The following CSTPP1 variants were observed in gnomAD, a reference collection of about 807,000 sequenced individuals.
The protein encoded by CSTPP1 is UPF0705 protein C11orf49.
At chr11:47,065,221 G>A in the CSTPP1 span, among the ~76,000 whole-genome samples, 10 of 152,032 alleles carry the variant, frequency 6.6e-5, no homozygotes, top group South Asian at 2.1e-4. Flanking sequence ...GATCACTTTC[G>A]GTGGTAGTAT....
the CSTPP1 span, among the ~76,000 whole-genome samples, chr11:47,091,345 G>C: frequency 6.6e-6 from 1 of 151,346 alleles, no homozygotes; most frequent in Non-Finnish European, 1.5e-5. Flanking sequence ...CTGCACTCCA[G>C]CCTGGGTGAC....
At chr11:47,113,796 T>G in the CSTPP1 span, among the ~76,000 whole-genome samples, 1 of 152,230 alleles carries the variant, frequency 6.6e-6, no homozygotes, top group African/African-American at 2.4e-5. Flanking sequence ...ATTCTTTAGG[T>G]TGCCTGTTCA....
chr11:47,134,898 G>T, the CSTPP1 span, among the ~76,000 whole-genome samples: 1 of 152,100 alleles, frequency 6.6e-6, no homozygotes, highest in Non-Finnish European at 1.5e-5. Flanking sequence ...AAGCTGAGGC[G>T]GGAAGTTCAA....
At chr11:47,105,467 C>T in the CSTPP1 span, among the ~76,000 whole-genome samples, 2 of 152,102 alleles carry the variant, frequency 1.3e-5, no homozygotes, top group East Asian at 1.9e-4. Context: ...TACAACTGTA[C>T]TCCAGCATGG....
the CSTPP1 span, among the ~76,000 whole-genome samples, chr11:47,083,010 A>G: frequency 2.0e-5 from 3 of 151,770 alleles, no homozygotes; most frequent in Non-Finnish European, 4.4e-5. Flanking sequence ...TGCATTAGCT[A>G]TTTTTTCTAA....
At chr11:47,078,550 G>A in the CSTPP1 span, among the ~76,000 whole-genome samples, 1 of 152,196 alleles carries the variant, frequency 6.6e-6, no homozygotes, top group African/African-American at 2.4e-5. Flanking sequence ...GGGATAGTTG[G>A]TGGAGCAAGG....
At chr11:47,091,046 CAAAAAAA>C in the CSTPP1 span, among the ~76,000 whole-genome samples, 1 of 83,688 alleles carries the variant, frequency 1.2e-5, no homozygotes. Context: ...GACTCCATCT[CAAAAAAA>C]AAAAAAAAAA....
At chr11:47,122,970 A>T in the CSTPP1 span, 4 of 152,168 alleles carry the variant, frequency 2.6e-5, no homozygotes, top group African/African-American at 9.7e-5. Context: ...AACTCTGTTG[A>T]TGTATCCCAT....
At chr11:47,153,988 G>A in the CSTPP1 span, among the ~76,000 whole-genome samples, 5 of 151,724 alleles carry the variant, frequency 3.3e-5, no homozygotes, top group Non-Finnish European at 7.4e-5. Flanking sequence ...CTCACGGGCT[G>A]GAGTGCAGTG....
chr11:47,005,031 A>C, the CSTPP1 span, among the ~76,000 whole-genome samples: 1 of 152,058 alleles, frequency 6.6e-6, no homozygotes, highest in Non-Finnish European at 1.5e-5. Context: ...TCATCTGCAC[A>C]CTCTCATACT....
chr11:47,071,940 A>AGTTGCAT, the CSTPP1 span, among the ~76,000 whole-genome samples: 1 of 152,204 alleles, frequency 6.6e-6, no homozygotes, highest in African/African-American at 2.4e-5. Context: ...GGGTTTGGGA[A>AGTTGCAT]GTTGCATGTA....
the CSTPP1 span, among the ~76,000 whole-genome samples, chr11:47,046,406 T>G: frequency 1.4e-4 from 21 of 151,512 alleles, no homozygotes; most frequent in African/African-American, 5.1e-4. Context: ...AAAAGGAAAT[T>G]AAGAAAAGCA....
chr11:47,007,367 T>C, the CSTPP1 span, among the ~76,000 whole-genome samples: 4 of 152,168 alleles, frequency 2.6e-5, no homozygotes. Flanking sequence ...CTGGATATTT[T>C]CTTCTGATCT....
At chr11:46,954,273 A>C in the CSTPP1 span, among the ~76,000 whole-genome samples, 3 of 152,164 alleles carry the variant, frequency 2.0e-5, no homozygotes, top group African/African-American at 7.2e-5. Flanking sequence ...ATTCGGCTGG[A>C]TGCAGTAGCT....
the CSTPP1 span, among the ~76,000 whole-genome samples, chr11:47,076,672 C>A: frequency 6.6e-6 from 1 of 151,978 alleles, no homozygotes; most frequent in Non-Finnish European, 1.5e-5. Context: ...AAAACCCCGT[C>A]TCTACTAAAA....
At chr11:47,038,345 C>A in the CSTPP1 span, among the ~76,000 whole-genome samples, 853 of 90,264 alleles carry the variant, frequency 9.5e-3, 79 homozygotes, top group African/African-American at 0.028. Flanking sequence ...CCCCACCTCC[C>A]TCCTGGACGG....
the CSTPP1 span, among the ~76,000 whole-genome samples, chr11:46,945,267 T>C: frequency 2.4e-3 from 371 of 152,330 alleles, 1 homozygote; most frequent in African/African-American, 8.1e-3. Flanking sequence ...GGTGTTAAAC[T>C]GACTTCCTAA....
the CSTPP1 span, among the ~76,000 whole-genome samples, chr11:46,973,216 A>G: frequency 6.6e-6 from 1 of 152,202 alleles, no homozygotes; most frequent in East Asian, 1.9e-4. Context: ...TAGTGTCAAG[A>G]AATGTTCTAT....
At chr11:46,947,869 T>C in the CSTPP1 span, among the ~76,000 whole-genome samples, 5 of 152,090 alleles carry the variant, frequency 3.3e-5, no homozygotes, top group Non-Finnish European at 7.3e-5. Flanking sequence ...ACAGTCCCAT[T>C]GGCCCAAAGT....
Sources: allele counts gnomAD v4.1 joint callset (sites outside exome capture counted in the v4.1 genomes callset), GRCh38; gene constraint gnomAD v4.1.1; transcripts MANE v1.5; gene names NCBI Gene and HGNC (gene_info 2026-07-23, HGNC 2026-07-21).